The following RBPJ variants were observed in gnomAD, a reference collection of about 807,000 sequenced individuals.
RBPJ encodes the protein recombining binding protein suppressor of hairless.
Under a neutral mutation model 67.8 loss-of-function variants are expected in RBPJ, and 9 were observed. That is an observed-to-expected ratio of 0.13 (90% CI 0.08 to 0.23). The LOEUF is 0.23. RBPJ is among the 10% of genes least tolerant of loss of function. The pLI, the probability that RBPJ is intolerant of heterozygous loss-of-function variation, is 1.00. For missense variants in RBPJ, 305 were observed against 595.6 expected (o/e 0.51, Z 5.08); for synonymous variants, 198 against 203.3 (o/e 0.97, Z 0.22).
intron 1 of RBPJ, among the ~76,000 whole-genome samples, chr4:26,188,893 AT>A (rs1253038601): frequency 6.6e-6 from 1 of 152,238 alleles, no homozygotes; most frequent in South Asian, 2.1e-4. Flanking sequence ...TTTTATAAGT[AT>A]TAAACAGGGT....
chr4:26,109,458 CTCTATA>C, the RBPJ span, among the ~76,000 whole-genome samples: 49 of 14,390 alleles, frequency 3.4e-3, 4 homozygotes, highest in African/African-American at 4.5e-3. Flanking sequence ...CTCTCTCTCT[CTCTATA>C]TATATATATA....
chr4:26,259,661 C>T (rs1306204861), intron 1 of RBPJ, among the ~76,000 whole-genome samples: 2 of 152,192 alleles, frequency 1.3e-5, no homozygotes, highest in African/African-American at 2.4e-5. Flanking sequence ...ATTTGCTTAA[C>T]CTCAATTTTG....
At chr4:26,202,220 A>G (rs1467325284) in intron 1 of RBPJ, among the ~76,000 whole-genome samples, 3 of 151,956 alleles carry the variant, frequency 2.0e-5, no homozygotes, top group African/African-American at 7.3e-5. Flanking sequence ...TACAATGATC[A>G]TTTCCAAAGG....
chr4:26,415,081 G>T (rs1734429555), intron 3 of RBPJ, among the ~76,000 whole-genome samples: 1 of 152,146 alleles, frequency 6.6e-6, no homozygotes, highest in Non-Finnish European at 1.5e-5. Context: ...TAATGATTGT[G>T]TCATTTTGAA....
intron 1 of RBPJ, among the ~76,000 whole-genome samples, chr4:26,360,716 G>A (rs1727960214): frequency 6.6e-6 from 1 of 151,528 alleles, no homozygotes; most frequent in Non-Finnish European, 1.5e-5. Flanking sequence ...TGAGTAGCTG[G>A]GACTACAGGT....
At chr4:26,340,107 C>T (rs147160679) in intron 1 of RBPJ, among the ~76,000 whole-genome samples, 2 of 151,574 alleles carry the variant, frequency 1.3e-5, no homozygotes, top group African/African-American at 4.8e-5. Flanking sequence ...GTAGTAAAGA[C>T]AAAATTTTAA....
At chr4:26,351,528 G>C (rs1385442182) in intron 1 of RBPJ, among the ~76,000 whole-genome samples, 1 of 152,084 alleles carries the variant, frequency 6.6e-6, no homozygotes, top group Non-Finnish European at 1.5e-5. Flanking sequence ...CTACAGGTGT[G>C]TGCCACCACA....
At chr4:26,140,834 C>CAGAT in the RBPJ span, among the ~76,000 whole-genome samples, 9 of 138,512 alleles carry the variant, frequency 6.5e-5, no homozygotes, top group East Asian at 1.5e-3. Flanking sequence ...GACCCTTCCA[C>CAGAT]AAATAAATAA....
intron 3 of RBPJ, chr4:26,410,136 G>A: frequency 2.3e-6 from 1 of 429,318 alleles, no homozygotes; most frequent in South Asian, 1.7e-5. Flanking sequence ...CTCTTACTTG[G>A]TGGTGGAGTG....
rs1553849153 is a variant in RBPJ, at chr4:26,210,700, T to TTTCCTTCTTTGC, written c.-167+47089_-167+47090insCTTCTTTGCTTC. Among the ~76,000 whole-genome samples, 2 of 59,850 alleles carry TTTCCTTCTTTGC rather than the reference T, an allele frequency of 3.3e-5. 1 individual carries two copies. Among genetic ancestry groups the TTTCCTTCTTTGC allele is most frequent in the Non-Finnish European group, 7.0e-5 (2 of 28,548 alleles). The allele number at this position is 59,850 out of a possible 152,430, so 39.3% of individuals were successfully genotyped here. A position where few individuals can be genotyped will look rare whatever the true frequency, so the allele number is the denominator to read the frequency against. On this transcript the variant is annotated intron_variant, in intron 1 of 4. Coordinates refer to the RBPJ transcript ENST00000512351. ...TTTCTTTCTTTCCTTTCTTTCTTTC[T>TTTCCTTCTTTGC]TTCTTTCCTTCTTTCCTTCTTTCTT... is the stretch of plus-strand genomic sequence containing the variant.
intron 1 of RBPJ, among the ~76,000 whole-genome samples, chr4:26,335,336 C>G (rs142976060): frequency 0.013 from 1,975 of 151,810 alleles, 29 homozygotes; most frequent in Non-Finnish European, 0.022. Flanking sequence ...CGTGTACCAC[C>G]ACGCCCGGCT....
At chr4:26,267,718 C>T (rs1317692001) in intron 1 of RBPJ, among the ~76,000 whole-genome samples, 3 of 152,158 alleles carry the variant, frequency 2.0e-5, no homozygotes, top group Non-Finnish European at 4.4e-5. Context: ...AGCAATTCTC[C>T]TGCCCCAACC....
chr4:26,409,843 A>G (rs1209871930), intron 3 of RBPJ, among the ~76,000 whole-genome samples: 2 of 152,182 alleles, frequency 1.3e-5, no homozygotes, highest in Admixed American at 1.3e-4. Flanking sequence ...TAGCTGGTCT[A>G]AAACCCCAGT....
chr4:26,430,599 T>A lies in RBPJ; in HGVS notation c.1148+77T>A. The A allele has an allele frequency of 6.5e-7, 1 of 1,526,990 alleles. No individual in the cohort carries two copies. The allele number at this position is 1,526,990 out of a possible 1,614,324, so 94.6% of individuals were successfully genotyped here. On this transcript the variant is annotated intron_variant, in intron 10 of 10. Coordinates refer to ENST00000355476, the MANE Select transcript of RBPJ (RefSeq NM_015874.6). The surrounding 1 kb of genome is among the most constrained non-coding windows in gnomAD (Gnocchi z 4.1). ...CAGGAGATTCTTTCCTGGCACTGATTGTAATGTATTAAACAACCTTGTGTT... is the reference window on the plus strand; with the variant it reads ...CAGGAGATTCTTTCCTGGCACTGATAGTAATGTATTAAACAACCTTGTGTT...
intron 1 of RBPJ, among the ~76,000 whole-genome samples, chr4:26,360,179 T>C (rs1727887980): frequency 6.6e-6 from 1 of 152,242 alleles, no homozygotes; most frequent in Non-Finnish European, 1.5e-5. Context: ...CCAAATAAGT[T>C]AATTTTAAAA....
At chr4:26,320,488 G>A, upstream of RBPJ, 1 of 460,386 alleles carries the variant, frequency 2.2e-6, no homozygotes, top group Non-Finnish European at 3.9e-6. Flanking sequence ...TTAGCATAAA[G>A]GAGGCGCCCA....
chr4:26,351,978 AG>A (rs1726858201), intron 1 of RBPJ, among the ~76,000 whole-genome samples: 1 of 152,036 alleles, frequency 6.6e-6, no homozygotes, highest in African/African-American at 2.4e-5. Flanking sequence ...TATGGTGGGG[AG>A]TTCCCTTTCA....
the RBPJ span, among the ~76,000 whole-genome samples, chr4:26,116,818 A>T: frequency 6.6e-6 from 1 of 152,298 alleles, no homozygotes; most frequent in Admixed American, 6.5e-5. Context: ...CACTAGGGAG[A>T]ATCTTCTGCC....
chr4:26,168,798 C>G (rs1343947576), intron 1 of RBPJ, among the ~76,000 whole-genome samples: 1 of 151,958 alleles, frequency 6.6e-6, no homozygotes, highest in African/African-American at 2.4e-5. Flanking sequence ...CTAAACTTCC[C>G]TTCTCACTTC....
Sources: allele counts gnomAD v4.1 joint callset (sites outside exome capture counted in the v4.1 genomes callset), GRCh38; gene constraint gnomAD v4.1.1; non-coding constraint Gnocchi (gnomAD v3.1); transcripts MANE v1.5; gene names NCBI Gene and HGNC (gene_info 2026-07-23, HGNC 2026-07-21).